The following ZBTB7A variants were observed in gnomAD, a reference collection of about 807,000 sequenced individuals.
ZBTB7A encodes the protein zinc finger and BTB domain containing 7A.
A neutral mutation model predicts 26.7 loss-of-function variants in ZBTB7A; 7 were observed. That is an observed-to-expected ratio of 0.26 (90% CI 0.15 to 0.49). ZBTB7A has a LOEUF of 0.49. ZBTB7A is among the 20% of genes least tolerant of loss of function. ZBTB7A has a pLI of 0.98. For synonymous variants in ZBTB7A, 452 were observed against 441.0 expected, an observed-to-expected ratio of 1.02 and a Z score of -0.31; for missense variants, 617 against 919.5, an observed-to-expected ratio of 0.67 and a Z score of 4.25.
Position 4,047,453 on chromosome 19 carries a change from C to A in ZBTB7A, c.*299G>T. On this transcript the variant is annotated 3_prime_UTR_variant, in exon 3 of 3. Coordinates refer to ENST00000322357, the MANE Select transcript of ZBTB7A (RefSeq NM_015898.4). The stretch of plus-strand genomic sequence containing the variant: ...GGGGTCTCGGATTCCTTGTGTCCTA[C>A]AAAAAACCCCAAACCAAGCCCCGAA... 1 of 170,116 alleles carries A rather than the reference C, an allele frequency of 5.9e-6. No individual in the cohort carries two copies. The highest frequency in any genetic ancestry group is 1.2e-5 in the Non-Finnish European group (1 of 80,088). The allele number at this position is 170,116 out of a possible 1,614,324, so 10.5% of individuals were successfully genotyped here. A position where few individuals can be genotyped will look rare whatever the true frequency, so the allele number is the denominator to read the frequency against.
chr19:4,065,662 G>A (rs1213246572), intron 1 of ZBTB7A: 6 of 143,074 alleles, frequency 4.2e-5, no homozygotes, highest in African/African-American at 1.5e-4. Flanking sequence ...CCTGCGCTAG[G>A]CCGCGCATCC....
At chr19:4,055,535 G>C in intron 1 of ZBTB7A, 1 of 969,976 alleles carries the variant, frequency 1.0e-6, no homozygotes, top group Non-Finnish European at 1.2e-6. Context: ...TCAAACCCCT[G>C]GCCTCGGCCT....
In ZBTB7A at chr19:4,053,010, C is replaced by T. The variant is rs555706410; in HGVS notation, c.1262+961G>A. ...AATGTTGGCTGATTGAAGCAAATGA[C>T]CCAGGCTCACGGGAAACTCAGAAGC... On this transcript the variant is annotated intron_variant, in intron 2 of 2. Transcript: ENST00000322357. 5.9e-5 allele frequency among the ~76,000 whole-genome samples: 9 copies of T among 152,344 alleles called. No homozygotes were observed. In the South Asian group the frequency reaches 1.9e-3, roughly 32 times the overall value.
At position 4,047,987 on chromosome 19, in the gene ZBTB7A, G is replaced by T. The variant is rs761713941; in HGVS notation, c.1520C>A (p.Ala507Glu). Reference sequence around the variant, plus strand: ...GGTGGCCCCCGGGCTGGGGTCGGGCGCCCCGCCCCGGACGCGGGGCTTGCG... The same window carrying T: ...GGTGGCCCCCGGGCTGGGGTCGGGCTCCCCGCCCCGGACGCGGGGCTTGCG... ...RGRKPRVRGG[A>E]PDPSPGATAT... The change falls in exon 3 of 3, where the codon GCG (alanine) becomes GAG (glutamate). Residue 507 changes from alanine (A) to glutamate (E), a missense_variant. Coordinates refer to ENST00000322357, the MANE Select transcript of ZBTB7A (RefSeq NM_015898.4). 5 of 1,267,144 alleles carry T rather than the reference G, an allele frequency of 3.9e-6. 1 individual carries two copies. In the South Asian group the frequency reaches 1.1e-4, roughly 29 times the overall value. 78.5% of individuals were successfully genotyped at this position (1,267,144 alleles called of 1,614,324 possible). A position where few individuals can be genotyped will look rare whatever the true frequency, so the allele number is the denominator to read the frequency against.
intron 1 of ZBTB7A, among the ~76,000 whole-genome samples, chr19:4,059,217 G>A (rs915543649): frequency 1.3e-5 from 2 of 152,190 alleles, no homozygotes; most frequent in African/African-American, 2.4e-5. Context: ...GCTATCCCTG[G>A]CCTGCTGGGC....
rs1238947990 is a variant in ZBTB7A, at chr19:4,043,731, C to A, written c.*4021G>T. Among the ~76,000 whole-genome samples the A allele has an allele frequency of 5.6e-5, 7 of 125,312 alleles. No homozygotes were observed. Among genetic ancestry groups the A allele is most frequent in the Non-Finnish European group, 6.6e-5 (4 of 60,416 alleles). The allele number at this position is 125,312 out of a possible 152,430, so 82.2% of individuals were successfully genotyped here. ...ACCCCCTGGGCCCGGCCCCCCCCCC[C>A]CCCCCCCGTAAATCTATGTATTTAA... On this transcript the variant is annotated 3_prime_UTR_variant, in exon 3 of 3. Transcript: ENST00000322357.
At chr19:4,049,192 A>ATG (rs2040469264) in intron 2 of ZBTB7A, among the ~76,000 whole-genome samples, 1 of 33,180 alleles carries the variant, frequency 3.0e-5, no homozygotes, top group Non-Finnish European at 9.2e-5. Context: ...ATATATATAT[A>ATG]TATATATATA....
chr19:4,063,706 C>G lies in ZBTB7A; in HGVS notation c.-16+2976G>C, dbSNP rs555416563. 1.2e-3 allele frequency among the ~76,000 whole-genome samples: 177 copies of G among 152,334 alleles called. 2 individuals carry two copies. Among genetic ancestry groups the G allele is most frequent in the African/African-American group, 3.9e-3 (163 of 41,578 alleles). On this transcript the variant is annotated intron_variant, in intron 1 of 2. Transcript: ENST00000322357. ...CTTAAAGACAGGTGGGCAGGCGCCC[C>G]TGGGCCACCACACAGTGGGAGGGGA...
In ZBTB7A at chr19:4,058,548, G is replaced by A. The variant is rs371708663; in HGVS notation, c.-15-3301C>T. Among the ~76,000 whole-genome samples the A allele has an allele frequency of 3.4e-4, 51 of 152,146 alleles. No individual in the cohort carries two copies. The East Asian group carries it at 5.3e-3, about 16-fold the overall frequency. ...CCGCCCTCTCCTGGGAGCCCCTGGC[G>A]GCCCCGAGTCACCCAGCACAGCTCA... On this transcript the variant is annotated intron_variant, in intron 1 of 2. Transcript: ENST00000322357.
intron 2 of ZBTB7A, 42 bp downstream of exon 2, chr19:4,053,929 G>T (rs757100891): frequency 9.1e-6 from 14 of 1,541,976 alleles, no homozygotes; most frequent in Non-Finnish European, 4.4e-6. Context: ...GGATGCTGGG[G>T]CAGAGAGCAG....
At chr19:4,058,295 T>C (rs1453399310) in intron 1 of ZBTB7A, among the ~76,000 whole-genome samples, 1 of 152,006 alleles carries the variant, frequency 6.6e-6, no homozygotes, top group Non-Finnish European at 1.5e-5. Flanking sequence ...TCCCCAACTC[T>C]CAGCCACCCC....
intron 1 of ZBTB7A, chr19:4,065,416 C>T (rs1247732346): frequency 6.9e-6 from 1 of 144,974 alleles, no homozygotes; most frequent in East Asian, 2.0e-4. Flanking sequence ...CTCGCCCGCG[C>T]GGGGGGCTCC....
In ZBTB7A at chr19:4,050,955, C is replaced by T. The variant is rs186181131; in HGVS notation, c.1263-2711G>A. On this transcript the variant is annotated intron_variant, in intron 2 of 2. Coordinates refer to ENST00000322357, the MANE Select transcript of ZBTB7A (RefSeq NM_015898.4). ...CTCTACTAAAAATACAAAAATTAGC[C>T]GGCATGGTGGTGGGCGCCTATAATC... 1.3e-4 allele frequency among the ~76,000 whole-genome samples: 20 copies of T among 151,766 alleles called. No individual in the cohort carries two copies. The East Asian group carries it at 1.6e-3, about 12-fold the overall frequency.
chr19:4,052,194 G>A lies in ZBTB7A; in HGVS notation c.1262+1777C>T, dbSNP rs746447577. ...GCAGTGCCCGAGTCAGAATGAAACC[G>A]GGCCTGTGGCCTGCGGCCAGGGAGG... On this transcript the variant is annotated intron_variant, in intron 2 of 2. Coordinates refer to ENST00000322357, the MANE Select transcript of ZBTB7A (RefSeq NM_015898.4). The surrounding 1 kb of genome is among the most constrained non-coding windows in gnomAD (Gnocchi z 4.9). Among the ~76,000 whole-genome samples the A allele has an allele frequency of 5.5e-4, 84 of 152,212 alleles. No homozygotes were observed. The highest frequency in any genetic ancestry group is 9.7e-4 in the Non-Finnish European group (66 of 67,988).
rs2144973888 is a variant in ZBTB7A, at chr19:4,048,209, G to A, written c.1298C>T (p.Thr433Met). The A allele has an allele frequency of 6.3e-7, 1 of 1,598,106 alleles. No individual in the cohort carries two copies. The change falls in exon 3 of 3, where the codon ACG (threonine) becomes ATG (methionine). Residue 433 changes from threonine (T) to methionine (M), a missense_variant. Thr to Met is a moderately conservative substitution (Grantham distance 81, BLOSUM62 -1). This residue lies in a region of ZBTB7A where 41 missense variants were observed against 167.6 expected (regional missense o/e 0.24). Coordinates refer to ENST00000322357, the MANE Select transcript of ZBTB7A (RefSeq NM_015898.4). The surrounding 1 kb of genome is among the most constrained non-coding windows in gnomAD (Gnocchi z 6.7). Reference protein sequence around the residue: ...DKLKVHMRKHTGEKPYLCQQC... With the variant: ...DKLKVHMRKHMGEKPYLCQQC... Reference sequence around the variant, plus strand: ...CTGGCACAGGTACGGCTTCTCGCCCGTGTGCTTCCGCATGTGCACCTTCAG... The same window carrying A: ...CTGGCACAGGTACGGCTTCTCGCCCATGTGCTTCCGCATGTGCACCTTCAG...
chr19:4,059,332 C>A (rs895793874), intron 1 of ZBTB7A, among the ~76,000 whole-genome samples: 5 of 152,152 alleles, frequency 3.3e-5, no homozygotes, highest in African/African-American at 9.7e-5. Context: ...GGCTCAGCGA[C>A]CTCCTGCAGG....
Position 4,047,944 on chromosome 19 carries a change from G to T in ZBTB7A, c.1563C>A (p.Pro521=). 1 of 1,330,062 alleles carries T rather than the reference G, an allele frequency of 7.5e-7. No individual in the cohort carries two copies. The highest frequency in any genetic ancestry group is 1.8e-5 in the South Asian group (1 of 54,700). 82.4% of individuals were successfully genotyped at this position (1,330,062 alleles called of 1,614,324 possible). ...GGGCGTCGGGGGAGCTGGGCTGGGC[G>T]GGGGCGCCGGGGGTCGCGGTGGCCC... ...SPGATATPGA[P]AQPSSPDARR... The change falls in exon 3 of 3, where the codon CCC becomes CCA. Residue 521 remains proline, a synonymous_variant. Transcript: ENST00000322357.
In ZBTB7A at chr19:4,048,830, T is replaced by C. The variant is rs1162355956; in HGVS notation, c.1263-586A>G. ...GTCTCAAAAAAAAAAATTTCACTTT[T>C]TAAGAGCGAAACTCCGTCTCAAAAA... On this transcript the variant is annotated intron_variant, in intron 2 of 2. Coordinates refer to ENST00000322357, the MANE Select transcript of ZBTB7A (RefSeq NM_015898.4). This position sits in a 1 kb window ranked among gnomAD's most constrained non-coding sequence, Gnocchi z 6.7. 1.3e-5 allele frequency among the ~76,000 whole-genome samples: 2 copies of C among 151,246 alleles called. No individual in the cohort carries two copies. Among genetic ancestry groups the C allele is most frequent in the African/African-American group, 4.9e-5 (2 of 41,126 alleles).
chr19:4,064,601 G>A (rs1348781973), intron 1 of ZBTB7A, among the ~76,000 whole-genome samples: 1 of 152,240 alleles, frequency 6.6e-6, no homozygotes, highest in Non-Finnish European at 1.5e-5. Flanking sequence ...CCCCCAGTGT[G>A]GGAGCGGCAC....
Sources: allele counts gnomAD v4.1 joint callset (sites outside exome capture counted in the v4.1 genomes callset), GRCh38; gene constraint gnomAD v4.1.1; regional missense constraint gnomAD v4.1.1; non-coding constraint Gnocchi (gnomAD v3.1); transcripts MANE v1.5; gene names NCBI Gene and HGNC (gene_info 2026-07-23, HGNC 2026-07-21).